Variants in STK16 observed in about 807,000 individuals in gnomAD.
The protein encoded by STK16 is serine/threonine kinase 16, also known as serine/threonine-protein kinase 16.
In STK16, 28 loss-of-function variants were observed where a neutral mutation model predicts 37.8. The ratio of observed to expected loss-of-function variants is 0.74; its 90% CI spans 0.55 to 1.02. STK16 has a LOEUF of 1.02. Among genes scored for constraint, STK16 ranks in the 50% least tolerant of loss-of-function variants. The probability of loss-of-function intolerance (pLI) is 0.00; values close to 1 mark genes in which losing one functional copy is unlikely to be tolerated. For missense variants in STK16, 349 were observed against 390.6 expected (o/e 0.89, Z 0.90); for synonymous variants, 134 against 155.0 (o/e 0.86, Z 1.01).
At chr2:219,247,978 G>T in intron 6 of STK16, 1 of 826,408 alleles carries the variant, frequency 1.2e-6, no homozygotes, top group Non-Finnish European at 2.0e-6. Flanking sequence ...ACAGCTCAGT[G>T]TCAGTAGTGA....
chr2:219,248,346 T>G (rs763404333), intron 7 of STK16, 32 bp downstream of exon 7: 14 of 1,613,864 alleles, frequency 8.7e-6, no homozygotes, highest in Non-Finnish European at 1.1e-5. Context: ...CATCAAGTGT[T>G]TCAGACTCCC....
Position 219,250,196 on chromosome 2 carries a change from G to T in STK16, c.*1637G>T. 9.0e-7 allele frequency: 1 copy of T among 1,115,930 alleles called. No homozygotes were observed. The highest frequency in any genetic ancestry group is 1.3e-6 in the Non-Finnish European group (1 of 771,686). 69.1% of individuals were successfully genotyped at this position (1,115,930 alleles called of 1,614,324 possible). ...AGGTCTCACCTTCAGCGATGGAAGG[G>T]ATAAGGGTCATGAACAGCAAACAGA... On this transcript the variant is annotated 3_prime_UTR_variant, in exon 8 of 8. Coordinates refer to ENST00000396738, the MANE Select transcript of STK16 (RefSeq NM_001330213.2). The surrounding 1 kb of genome is among the most constrained non-coding windows in gnomAD (Gnocchi z 8.4).
Position 219,248,476 on chromosome 2 carries a change from C to T in STK16, c.835C>T (p.Gln279Ter), listed in dbSNP as rs1951586785. ...CTCGATGATGACCGTGGACCCGCAT[C>T]AGCGTCCTCACATTCCTCTCCTCCT... ...LNSMMTVDPH[Q>*]RPHIPLLLSQ... The change falls in exon 8 of 8, where the codon CAG (glutamine) becomes TAG (stop). Residue 279 changes from glutamine (Q) to a stop codon, truncating the protein, a stop_gained. Coordinates refer to ENST00000396738, the MANE Select transcript of STK16 (RefSeq NM_001330213.2). LOFTEE classifies it high-confidence loss of function. 1.9e-6 allele frequency: 3 copies of T among 1,614,198 alleles called. No individual in the cohort carries two copies. Among genetic ancestry groups the T allele is most frequent in the Admixed American group, 1.7e-5 (1 of 60,026 alleles).
Position 219,246,070 on chromosome 2 carries a change from AGAAACTGGGG to A in STK16, c.74_83del (p.Lys25ArgfsTer9). The A allele has an allele frequency of 1.2e-6, 2 of 1,613,946 alleles. No homozygotes were observed. The highest frequency in any genetic ancestry group is 1.7e-6 in the Non-Finnish European group (2 of 1,179,916). ...GACAATAAGCGCTACCTCTTCATCC[AGAAACTGGGG>A]GAGGGGTGAGTGTTTGGAAGTCAGT... On this transcript the variant is annotated frameshift_variant, in exon 2 of 8. Coordinates refer to ENST00000396738, the MANE Select transcript of STK16 (RefSeq NM_001330213.2). LOFTEE classifies it high-confidence loss of function. The surrounding 1 kb of genome is among the most constrained non-coding windows in gnomAD (Gnocchi z 4.5).
rs1951603671 is a variant in STK16, at chr2:219,249,260, A to G, written c.*701A>G. 1 of 152,280 alleles carries G rather than the reference A, an allele frequency of 6.6e-6. No homozygotes were observed. Among genetic ancestry groups the G allele is most frequent in the African/African-American group, 2.4e-5 (1 of 41,466 alleles). 9.4% of individuals were successfully genotyped at this position (152,280 alleles called of 1,614,324 possible). A position where few individuals can be genotyped will look rare whatever the true frequency, so the allele number is the denominator to read the frequency against. Reference sequence around the variant, plus strand: ...GAGACACCTGAGGAAGCTTTGAGACAGGTAGATTACAGGTCTCCCATCCTC... The same window carrying G: ...GAGACACCTGAGGAAGCTTTGAGACGGGTAGATTACAGGTCTCCCATCCTC... On this transcript the variant is annotated 3_prime_UTR_variant, in exon 8 of 8. Transcript: ENST00000396738.
At position 219,246,904 on chromosome 2, in the gene STK16, G is replaced by A. The variant is rs757109237; in HGVS notation, c.306+28G>A. 6.3e-7 allele frequency: 1 copy of A among 1,585,694 alleles called. No homozygotes were observed. The highest frequency in any genetic ancestry group is 8.6e-7 in the Non-Finnish European group (1 of 1,161,670). ...CAGAAAGACTCCTGGTTATGGAGGGGGTTGCAGCAGAGCCACCTACTCAAG... is the reference window on the plus strand; with the variant it reads ...CAGAAAGACTCCTGGTTATGGAGGGAGTTGCAGCAGAGCCACCTACTCAAG... On this transcript the variant is annotated intron_variant, in intron 3 of 7. Transcript: ENST00000396738. This position sits in a 1 kb window ranked among gnomAD's most constrained non-coding sequence, Gnocchi z 4.5.
Position 219,247,721 on chromosome 2 carries a change from G to C in STK16, c.621G>C (p.Gln207His), listed in dbSNP as rs370950577. The C allele has an allele frequency of 2.5e-5, 40 of 1,601,452 alleles. No individual in the cohort carries two copies. The African/African-American group carries it at 5.1e-4, about 20-fold the overall frequency. The stretch of plus-strand genomic sequence containing the variant: ...GAGCCCCAGAGCTCTTCTCTGTGCA[G>C]AGTCACTGTGTCATCGATGAGCGGA... ...SYRAPELFSV[Q>H]SHCVIDERTD... is the part of the protein sequence containing the mutation. Residue 207 changes from glutamine to histidine, a missense_variant, in exon 6 of 8, where the codon CAG (glutamine) becomes CAC (histidine). Physicochemically the swap from Gln to His is conservative, Grantham distance 24. Coordinates refer to ENST00000396738, the MANE Select transcript of STK16 (RefSeq NM_001330213.2).
chr2:219,246,819 C>G lies in STK16; in HGVS notation c.249C>G (p.Tyr83Ter). Residue 83 changes from tyrosine (Y) to a stop codon, truncating the protein, a stop_gained, in exon 3 of 8, where the codon TAC becomes TAG. Coordinates refer to ENST00000396738, the MANE Select transcript of STK16 (RefSeq NM_001330213.2). LOFTEE classifies it high-confidence loss of function. The surrounding 1 kb of genome is among the most constrained non-coding windows in gnomAD (Gnocchi z 4.5). ...CCAACATCCTTCGCCTCGTGGCTTA[C>G]TGTCTGAGGGAACGGGGTGCTAAGC... ...NHPNILRLVA[Y>*]CLRERGAKHE... The G allele has an allele frequency of 6.2e-7, 1 of 1,614,164 alleles. No homozygotes were observed. The highest frequency in any genetic ancestry group is 8.5e-7 in the Non-Finnish European group (1 of 1,180,016).
chr2:219,246,862 C>T lies in STK16; in HGVS notation c.292C>T (p.Leu98=), dbSNP rs1951545397. 10 of 1,609,800 alleles carry T rather than the reference C, an allele frequency of 6.2e-6. No homozygotes were observed. Among genetic ancestry groups the T allele is most frequent in the Non-Finnish European group, 8.5e-6 (10 of 1,176,526 alleles). ...RGAKHEAWLL[L]PFFKRGTLWN... Reference sequence around the variant, plus strand: ...TGCTAAGCATGAGGCCTGGCTGCTGCTACCATTCTTCAAGGTCAGAAAGAC... The same window carrying T: ...TGCTAAGCATGAGGCCTGGCTGCTGTTACCATTCTTCAAGGTCAGAAAGAC... The change falls in exon 3 of 8, where the codon CTA becomes TTA. Residue 98 remains leucine, a synonymous_variant. Transcript: ENST00000396738. The surrounding 1 kb of genome is among the most constrained non-coding windows in gnomAD (Gnocchi z 4.5).
At chr2:219,247,875 C>T (rs1458481908) in intron 6 of STK16, 118 bp downstream of exon 6, 2 of 975,666 alleles carry the variant, frequency 2.0e-6, no homozygotes, top group South Asian at 2.8e-5. Context: ...AATATGTCCC[C>T]ATCCACTTCA....
Position 219,249,384 on chromosome 2 carries a change from AGT to A in STK16, c.*829_*830del, listed in dbSNP as rs1029000191. ...ATACATGGTTAATGATTAATGAGGC[AGT>A]GTGGTGTGGCAGTATCCAGCTGCCA... On this transcript the variant is annotated 3_prime_UTR_variant, in exon 8 of 8. Coordinates refer to ENST00000396738, the MANE Select transcript of STK16 (RefSeq NM_001330213.2). 2 of 152,264 alleles carry A rather than the reference AGT, an allele frequency of 1.3e-5. No homozygotes were observed. The highest frequency in any genetic ancestry group is 2.4e-5 in the African/African-American group (1 of 41,454). The allele number at this position is 152,264 out of a possible 1,614,324, so 9.4% of individuals were successfully genotyped here. A position where few individuals can be genotyped will look rare whatever the true frequency, so the allele number is the denominator to read the frequency against.
Position 219,247,116 on chromosome 2 carries a change from G to C in STK16, c.310G>C (p.Gly104Arg). 1 of 1,614,214 alleles carries C rather than the reference G, an allele frequency of 6.2e-7. No homozygotes were observed. ...AWLLLPFFKR[G>R]TLWNEIERLK... is the part of the protein sequence containing the mutation. The stretch of plus-strand genomic sequence containing the variant: ...TGTAGGGAAACTTGTGTTGCAGAGA[G>C]GTACGCTGTGGAATGAGATAGAAAG... The change falls in exon 4 of 8, where the codon GGT (glycine) becomes CGT (arginine). Residue 104 changes from glycine (G) to arginine (R), a missense_variant. By Grantham distance (125) the Gly-to-Arg change is moderately radical (BLOSUM62 -2). Transcript: ENST00000396738.
intron 6 of STK16, 54 bp from the exon 7 acceptor site, chr2:219,248,139 G>A: frequency 1.2e-6 from 2 of 1,607,452 alleles, no homozygotes; most frequent in Non-Finnish European, 1.7e-6. Context: ...GAAGTAAAGG[G>A]AGAGATGTCA....
In STK16 at chr2:219,250,162, C is replaced by A. The variant is rs1951620961; in HGVS notation, c.*1603C>A. On this transcript the variant is annotated 3_prime_UTR_variant, in exon 8 of 8. Coordinates refer to ENST00000396738, the MANE Select transcript of STK16 (RefSeq NM_001330213.2). The surrounding 1 kb of genome is among the most constrained non-coding windows in gnomAD (Gnocchi z 8.4). ...TTATGCTTCCTGGGCCTGGCAAGAA[C>A]CCCTTTGCAGGTCTCACCTTCAGCG... is the stretch of plus-strand genomic sequence containing the variant. 1.2e-6 allele frequency: 1 copy of A among 828,954 alleles called. No individual in the cohort carries two copies. Among genetic ancestry groups the A allele is most frequent in the Non-Finnish European group, 1.9e-6 (1 of 519,782 alleles). 51.3% of individuals were successfully genotyped at this position (828,954 alleles called of 1,614,324 possible). A position where few individuals can be genotyped will look rare whatever the true frequency, so the allele number is the denominator to read the frequency against.
rs1246190885 is a variant in STK16, at chr2:219,250,265, C to A, written c.*1706C>A. On this transcript the variant is annotated 3_prime_UTR_variant, in exon 8 of 8. Transcript: ENST00000396738. This position sits in a 1 kb window ranked among gnomAD's most constrained non-coding sequence, Gnocchi z 8.4. ...GGAAGGCAGCAGAAGCTCAAGCACTCAGAGGGAACAAGAAACCGTGCAAGG... is the reference window on the plus strand; with the variant it reads ...GGAAGGCAGCAGAAGCTCAAGCACTAAGAGGGAACAAGAAACCGTGCAAGG... 6 of 1,529,314 alleles carry A rather than the reference C, an allele frequency of 3.9e-6. No homozygotes were observed. Among genetic ancestry groups the A allele is most frequent in the Non-Finnish European group, 5.3e-6 (6 of 1,136,066 alleles). 94.7% of individuals were successfully genotyped at this position (1,529,314 alleles called of 1,614,324 possible).
Position 219,248,217 on chromosome 2 carries a change from A to T in STK16, c.682A>T (p.Met228Leu). 1 of 1,614,180 alleles carries T rather than the reference A, an allele frequency of 6.2e-7. No homozygotes were observed. The highest frequency in any genetic ancestry group is 8.5e-7 in the Non-Finnish European group (1 of 1,180,034). Residue 228 changes from methionine (M) to leucine (L), a missense_variant, in exon 7 of 8, where the codon ATG becomes TTG. Coordinates refer to ENST00000396738, the MANE Select transcript of STK16 (RefSeq NM_001330213.2). ...GTCCCTAGGCTGCGTGCTATATGCC[A>T]TGATGTTTGGGGAAGGCCCTTATGA... is the stretch of plus-strand genomic sequence containing the variant. Reference protein sequence around the residue: ...VWSLGCVLYAMMFGEGPYDMV... With the variant: ...VWSLGCVLYALMFGEGPYDMV...
chr2:219,245,862 C>G (rs1951517597), intron 1 of STK16, 34 bp from the exon 2 acceptor site: 1 of 635,112 alleles, frequency 1.6e-6, no homozygotes, highest in African/African-American at 1.8e-5. Context: ...TGGATTGTGC[C>G]GGACCTGTGA....
At chr2:219,248,049 C>T in intron 6 of STK16, 144 bp from the exon 7 acceptor site, 3 of 1,302,860 alleles carry the variant, frequency 2.3e-6, no homozygotes, top group Non-Finnish European at 2.2e-6. Flanking sequence ...AGCTGACTGG[C>T]AGTTTCTCTG....
chr2:219,248,254 A>G lies in STK16; in HGVS notation c.719A>G (p.Gln240Arg). The G allele has an allele frequency of 6.2e-7, 1 of 1,614,194 alleles. No homozygotes were observed. Among genetic ancestry groups the G allele is most frequent in the Non-Finnish European group, 8.5e-7 (1 of 1,180,034 alleles). ...FGEGPYDMVF[Q>R]KGDSVALAVQ... The stretch of plus-strand genomic sequence containing the variant: ...GAAGGCCCTTATGACATGGTGTTCC[A>G]AAAGGGTGACAGTGTGGCCCTTGCT... Residue 240 changes from glutamine to arginine, a missense_variant, in exon 7 of 8, where the codon CAA becomes CGA. Gln to Arg is a conservative substitution (Grantham distance 43). Transcript: ENST00000396738.
Sources: gnomAD v4.1 joint callset for allele counts on GRCh38, gnomAD v4.1.1 for gene constraint, Gnocchi (gnomAD v3.1) non-coding constraint, MANE v1.5 for transcripts, NCBI Gene and HGNC (gene_info 2026-07-23, HGNC 2026-07-21) for gene names.